The following ROCK1 variants were observed in gnomAD, a reference collection of about 807,000 sequenced individuals.
ROCK1 encodes the protein rho-associated protein kinase 1.
In ROCK1, 36 loss-of-function variants were observed where a neutral mutation model predicts 196.8. The ratio of observed to expected loss-of-function variants is 0.18; its 90% CI spans 0.14 to 0.24. ROCK1 has a LOEUF of 0.24. Among genes scored for constraint, ROCK1 ranks in the 10% least tolerant of loss-of-function variants. ROCK1 has a pLI of 1.00. For missense variants in ROCK1, 920 were observed against 1,562.0 expected (o/e 0.59, Z 6.93); for synonymous variants, 443 against 515.9 (o/e 0.86, Z 1.91).
chr18:21,011,058 T>C (rs1318148517), intron 13 of ROCK1, among the ~76,000 whole-genome samples: 4 of 152,198 alleles, frequency 2.6e-5, no homozygotes, highest in Admixed American at 2.6e-4. Flanking sequence ...AACTTGCCTA[T>C]ATTGTTATAT....
intron 1 of ROCK1, among the ~76,000 whole-genome samples, chr18:21,086,744 G>A (rs577800261): frequency 1.4e-5 from 2 of 140,390 alleles, no homozygotes; most frequent in Admixed American, 7.2e-5. Context: ...ATGTCAAACC[G>A]AAATTCTACA....
intron 1 of ROCK1, among the ~76,000 whole-genome samples, chr18:21,087,483 G>C (rs1204703447): frequency 6.6e-6 from 1 of 152,094 alleles, no homozygotes; most frequent in South Asian, 2.1e-4. Flanking sequence ...AATGGGAAAT[G>C]ATTTACCATG....
At chr18:21,056,042 GA>G (rs2036242455) in intron 2 of ROCK1, among the ~76,000 whole-genome samples, 1 of 152,124 alleles carries the variant, frequency 6.6e-6, no homozygotes, top group South Asian at 2.1e-4. Context: ...CAATACTGAA[GA>G]TTTTACTTTT....
intron 2 of ROCK1, among the ~76,000 whole-genome samples, chr18:21,051,416 T>C (rs1299385782): frequency 6.6e-6 from 1 of 152,126 alleles, no homozygotes; most frequent in Non-Finnish European, 1.5e-5. Context: ...ATCACACCAG[T>C]GCACTCCAGT....
intron 18 of ROCK1, among the ~76,000 whole-genome samples, chr18:20,988,474 ATC>A (rs2035595956): frequency 1.3e-5 from 2 of 152,050 alleles, no homozygotes; most frequent in Non-Finnish European, 2.9e-5. Context: ...CTCCCTTTTT[ATC>A]ACTGTTCTCA....
intron 22 of ROCK1, among the ~76,000 whole-genome samples, chr18:20,975,816 T>A (rs2035475325): frequency 6.6e-6 from 1 of 152,180 alleles, no homozygotes; most frequent in African/African-American, 2.4e-5. Flanking sequence ...TTTCACCCTG[T>A]TAGCCAGGAT....
intron 1 of ROCK1, among the ~76,000 whole-genome samples, chr18:21,106,353 A>G (rs1336064273): frequency 6.6e-6 from 1 of 152,152 alleles, no homozygotes; most frequent in African/African-American, 2.4e-5. Context: ...TCCAGGCTGG[A>G]GTGCAGTGGC....
At chr18:20,989,527 T>G (rs1232062955) in intron 18 of ROCK1, among the ~76,000 whole-genome samples, 2 of 152,220 alleles carry the variant, frequency 1.3e-5, no homozygotes, top group Non-Finnish European at 2.9e-5. Flanking sequence ...ATAAAGAATC[T>G]GACACCATTG....
intron 2 of ROCK1, among the ~76,000 whole-genome samples, chr18:21,052,403 C>CT (rs2036211220): frequency 6.6e-6 from 1 of 152,182 alleles, no homozygotes; most frequent in South Asian, 2.1e-4. Context: ...TAAACGAAGC[C>CT]TATTTATTGT....
intron 21 of ROCK1, among the ~76,000 whole-genome samples, chr18:20,980,357 A>C (rs1293699046): frequency 6.6e-6 from 1 of 152,228 alleles, no homozygotes; most frequent in Non-Finnish European, 1.5e-5. Flanking sequence ...TGCTGAGTGA[A>C]AGAAACCACG....
At chr18:20,969,376 A>G (rs546740145) in intron 23 of ROCK1, 168 bp from the exon 24 acceptor site, 72 of 498,376 alleles carry the variant, frequency 1.4e-4, no homozygotes, top group Admixed American at 3.4e-4. Context: ...AATATTTAAA[A>G]GTAGTTAACA....
chr18:21,081,547 G>A (rs1338586453), intron 1 of ROCK1, among the ~76,000 whole-genome samples: 1 of 152,006 alleles, frequency 6.6e-6, no homozygotes, highest in East Asian at 1.9e-4. Flanking sequence ...CACAGAATAG[G>A]AAAATAACAG....
chr18:20,971,106 C>A (rs2035421785), intron 22 of ROCK1, among the ~76,000 whole-genome samples: 1 of 152,140 alleles, frequency 6.6e-6, no homozygotes, highest in African/African-American at 2.4e-5. Flanking sequence ...GACATTCAGA[C>A]CAAGACAACT....
At chr18:21,096,203 ATT>A (rs201122575) in intron 1 of ROCK1, among the ~76,000 whole-genome samples, 2 of 145,546 alleles carry the variant, frequency 1.4e-5, no homozygotes, top group Non-Finnish European at 1.5e-5. Context: ...TTGTCTACGA[ATT>A]TTTTTTTTTT....
At chr18:21,024,996 G>C (rs1321829813) in intron 10 of ROCK1, among the ~76,000 whole-genome samples, 1 of 152,188 alleles carries the variant, frequency 6.6e-6, no homozygotes, top group Non-Finnish European at 1.5e-5. Flanking sequence ...AGATGAGACT[G>C]TTTCATCTCT....
At position 21,006,383 on chromosome 18, in the gene ROCK1, C is replaced by G. The variant is rs779527094; in HGVS notation, c.1853G>C (p.Gly618Ala). 1.9e-6 allele frequency: 3 copies of G among 1,613,052 alleles called. No homozygotes were observed. The South Asian group carries it at 3.3e-5, about 18-fold the overall frequency. The stretch of plus-strand genomic sequence containing the variant: ...GTCTCCAATCATCTCAGAATCATGA[C>G]CTCTGTCTCTTCGTTCAGCTTCTAA... Reference protein sequence around the residue: ...AILEAERRDRGHDSEMIGDLQ... With the variant: ...AILEAERRDRAHDSEMIGDLQ... Residue 618 changes from glycine to alanine, a missense_variant, in exon 16 of 33, where the codon GGT (glycine) becomes GCT (alanine). By Grantham distance (60) the Gly-to-Ala change is moderately conservative (BLOSUM62 0). This residue lies in a region of ROCK1 where 520 missense variants were observed against 657.1 expected (regional missense o/e 0.79). Transcript: ENST00000399799.
In ROCK1 at chr18:21,080,541, T is replaced by C. The variant is rs140153467; in HGVS notation, c.94-9928A>G. Among the ~76,000 whole-genome samples, 34 of 152,226 alleles carry C rather than the reference T, an allele frequency of 2.2e-4. No individual in the cohort carries two copies. In the East Asian group the frequency reaches 6.6e-3, roughly 29 times the overall value. On this transcript the variant is annotated intron_variant, in intron 1 of 32. Coordinates refer to ENST00000399799, the MANE Select transcript of ROCK1 (RefSeq NM_005406.3). ...AACTCTCCAATCAAACTACAGAGAC[T>C]GACAAAATGGATTTTAAAAAACAAA...
At chr18:20,952,956 C>T (rs1480053480) in intron 32 of ROCK1, among the ~76,000 whole-genome samples, 2 of 151,982 alleles carry the variant, frequency 1.3e-5, no homozygotes, top group Non-Finnish European at 2.9e-5. Context: ...GGGAACGTCA[C>T]GCACCAGGGC....
chr18:20,961,786 A>C, intron 27 of ROCK1, among the ~76,000 whole-genome samples: 1 of 138,046 alleles, frequency 7.2e-6, no homozygotes, highest in South Asian at 2.4e-4. Flanking sequence ...GTTCAAAATG[A>C]TCCCTCTCTT....
Sources: allele counts gnomAD v4.1 joint callset (sites outside exome capture counted in the v4.1 genomes callset), GRCh38; gene constraint gnomAD v4.1.1; regional missense constraint gnomAD v4.1.1; transcripts MANE v1.5; gene names NCBI Gene and HGNC (gene_info 2026-07-23, HGNC 2026-07-21).